ANK2: variants seen among roughly 807,000 people sequenced by gnomAD.
The protein encoded by ANK2 is ankyrin 2.
In ANK2, 83 loss-of-function variants were observed where a neutral mutation model predicts 360.5. The observed-to-expected ratio is 0.23, with a 90% CI of 0.19 to 0.28. The LOEUF (loss-of-function observed/expected upper bound fraction) is 0.28, where lower values mean the gene tolerates loss of function less well. ANK2 is among the 10% of genes least tolerant of loss of function. The pLI is 1.00. For missense variants in ANK2, 4,201 were observed against 4,795.7 expected (o/e 0.88, Z 3.66); for synonymous variants, 1,740 against 1,759.5 (o/e 0.99, Z 0.28).
At chr4:113,255,003 G>A (rs927632196) in intron 10 of ANK2, among the ~76,000 whole-genome samples, 1 of 152,132 alleles carries the variant, frequency 6.6e-6, no homozygotes, top group Non-Finnish European at 1.5e-5. Flanking sequence ...GTCTTACCGA[G>A]TCTGATGAAC....
chr4:113,226,780 G>A (rs1441733883), intron 4 of ANK2, among the ~76,000 whole-genome samples: 1 of 152,100 alleles, frequency 6.6e-6, no homozygotes, highest in African/African-American at 2.4e-5. Flanking sequence ...CAGGAGTAAT[G>A]TTCAAAATAT....
At chr4:112,746,507 CAAA>C in the ANK2 span, among the ~76,000 whole-genome samples, 8 of 121,774 alleles carry the variant, frequency 6.6e-5, no homozygotes, top group Admixed American at 8.2e-5. Flanking sequence ...GATGCTGTCT[CAAA>C]AAAAAAAAAA....
intron 1 of ANK2, among the ~76,000 whole-genome samples, chr4:112,900,770 G>T (rs1335063571): frequency 5.3e-5 from 8 of 152,110 alleles, no homozygotes; most frequent in Non-Finnish European, 1.2e-4. Context: ...CCTCTGTGAA[G>T]ATTACCCTCC....
chr4:112,796,400 G>A, the ANK2 span, among the ~76,000 whole-genome samples: 1 of 151,710 alleles, frequency 6.6e-6, no homozygotes, highest in African/African-American at 2.4e-5. Context: ...TCCAGCTTGG[G>A]CAACATGAGC....
intron 2 of ANK2, among the ~76,000 whole-genome samples, chr4:112,953,911 ATTAT>A (rs916775859): frequency 7.2e-5 from 11 of 152,114 alleles, no homozygotes; most frequent in South Asian, 2.1e-4. Context: ...ACATAAACAG[ATTAT>A]TTATTTATTT....
At chr4:112,799,961 T>A in the ANK2 span, among the ~76,000 whole-genome samples, 1 of 152,136 alleles carries the variant, frequency 6.6e-6, no homozygotes, top group South Asian at 2.1e-4. Flanking sequence ...AGAAGGTTCT[T>A]GTTGAAAGAA....
chr4:113,204,616 A>G (rs1351330935), intron 4 of ANK2, among the ~76,000 whole-genome samples: 1 of 152,222 alleles, frequency 6.6e-6, no homozygotes, highest in Non-Finnish European at 1.5e-5. Context: ...AATTTGAGGC[A>G]TAGGTAGGAA....
At chr4:113,304,669 T>G (rs2076419280) in intron 23 of ANK2, among the ~76,000 whole-genome samples, 1 of 152,162 alleles carries the variant, frequency 6.6e-6, no homozygotes, top group African/African-American at 2.4e-5. Context: ...TTAGACCACT[T>G]GAAATTAATG....
chr4:112,895,672 G>T (rs1022575050), intron 1 of ANK2, among the ~76,000 whole-genome samples: 3 of 152,046 alleles, frequency 2.0e-5, no homozygotes, highest in Non-Finnish European at 2.9e-5. Context: ...ATCATGCCAA[G>T]AAGCCAAAGG....
chr4:113,370,637 G>A (rs1431121740), intron 43 of ANK2, among the ~76,000 whole-genome samples: 2 of 152,118 alleles, frequency 1.3e-5, no homozygotes, highest in African/African-American at 4.8e-5. Context: ...GCGAGTGCCT[G>A]TAGTCCCAGC....
At chr4:112,868,843 A>G (rs1397433328) in intron 1 of ANK2, among the ~76,000 whole-genome samples, 1 of 152,168 alleles carries the variant, frequency 6.6e-6, no homozygotes, top group Non-Finnish European at 1.5e-5. Flanking sequence ...AAGTTAAACT[A>G]TTTGTATTTT....
At chr4:113,130,126 T>C (rs1421120880) in intron 1 of ANK2, among the ~76,000 whole-genome samples, 1 of 152,220 alleles carries the variant, frequency 6.6e-6, no homozygotes, top group Non-Finnish European at 1.5e-5. Flanking sequence ...GAACTAGGGT[T>C]CAGTAGGATG....
intron 2 of ANK2, among the ~76,000 whole-genome samples, chr4:113,011,558 C>T (rs139004650): frequency 6.6e-6 from 1 of 152,022 alleles, no homozygotes; most frequent in African/African-American, 2.4e-5. Context: ...GGCCTAGAGT[C>T]GTTAATCATG....
chr4:112,809,051 AT>A, the ANK2 span, among the ~76,000 whole-genome samples: 1 of 151,352 alleles, frequency 6.6e-6, no homozygotes, highest in South Asian at 2.1e-4. Flanking sequence ...TAGAGACGGC[AT>A]TTCACCACAT....
the ANK2 span, among the ~76,000 whole-genome samples, chr4:112,727,602 G>A: frequency 6.6e-6 from 1 of 152,186 alleles, no homozygotes; most frequent in Admixed American, 6.5e-5. Flanking sequence ...AACCTTTAGT[G>A]AGACTAGGAA....
the ANK2 span, among the ~76,000 whole-genome samples, chr4:112,724,096 G>A: frequency 6.9e-6 from 1 of 144,692 alleles, no homozygotes; most frequent in Admixed American, 7.0e-5. Context: ...ACAGAGTGTC[G>A]CTCTGTCACC....
intron 1 of ANK2, among the ~76,000 whole-genome samples, chr4:112,895,074 T>C (rs560209558): frequency 1.9e-4 from 29 of 152,228 alleles, no homozygotes; most frequent in Non-Finnish European, 4.0e-4. Context: ...TGCTTAGAGA[T>C]GAAGCACCAA....
intron 9 of ANK2, among the ~76,000 whole-genome samples, chr4:113,244,336 A>T (rs576818381): frequency 7.9e-5 from 12 of 152,346 alleles, no homozygotes; most frequent in African/African-American, 2.4e-4. Flanking sequence ...GATGCAAGTC[A>T]GTAGTTCAAG....
intron 1 of ANK2, among the ~76,000 whole-genome samples, chr4:113,108,034 C>T (rs556055014): frequency 2.3e-4 from 35 of 152,114 alleles, no homozygotes; most frequent in Non-Finnish European, 4.3e-4. Flanking sequence ...ACTTGAAACA[C>T]GTAAGTTGGA....
Sources: allele counts gnomAD v4.1 joint callset (sites outside exome capture counted in the v4.1 genomes callset), GRCh38; gene constraint gnomAD v4.1.1; transcripts MANE v1.5; gene names NCBI Gene and HGNC (gene_info 2026-07-23, HGNC 2026-07-21).